Variants in WWOX observed in about 807,000 individuals in gnomAD.
The protein encoded by WWOX is WW domain containing oxidoreductase.
A neutral mutation model predicts 46.2 loss-of-function variants in WWOX; 69 were observed. That is an observed-to-expected ratio of 1.49 (90% CI 1.23 to 1.82). The LOEUF is 1.82. Ranked by LOEUF, WWOX falls within the 40% of genes most tolerant of loss-of-function variation. The probability of loss-of-function intolerance (pLI) is 0.00; values close to 1 mark genes in which losing one functional copy is unlikely to be tolerated. For missense variants in WWOX, 919 were observed against 542.6 expected, an observed-to-expected ratio of 1.69 and a Z score of -6.89; for synonymous variants, 359 against 202.6, an observed-to-expected ratio of 1.77 and a Z score of -6.56.
At chr16:79,054,889 A>C (rs1484365009) in intron 8 of WWOX, among the ~76,000 whole-genome samples, 3 of 152,204 alleles carry the variant, frequency 2.0e-5, no homozygotes, top group Admixed American at 2.0e-4. Flanking sequence ...TTGTGTTATA[A>C]AAGGCAGTGT....
chr16:78,425,735 C>G (rs2083060525), intron 7 of WWOX, among the ~76,000 whole-genome samples: 1 of 152,064 alleles, frequency 6.6e-6, no homozygotes, highest in South Asian at 2.1e-4. Flanking sequence ...AGACAAAGGC[C>G]TTGCTGGGTG....
chr16:78,458,013 G>C (rs529897676), intron 8 of WWOX, among the ~76,000 whole-genome samples: 1 of 151,422 alleles, frequency 6.6e-6, no homozygotes, highest in East Asian at 1.9e-4. Context: ...GGAGGCGGAG[G>C]TTGCAGTGAG....
intron 8 of WWOX, among the ~76,000 whole-genome samples, chr16:78,448,374 C>A (rs982886825): frequency 6.6e-6 from 1 of 152,144 alleles, no homozygotes; most frequent in Non-Finnish European, 1.5e-5. Flanking sequence ...AATGCACATT[C>A]ATTATTTTAT....
chr16:78,815,879 A>C (rs2051315899), intron 8 of WWOX, among the ~76,000 whole-genome samples: 1 of 152,054 alleles, frequency 6.6e-6, no homozygotes, highest in Admixed American at 6.5e-5. Flanking sequence ...CTTGAGAGTG[A>C]CTTCCAAGAT....
intron 5 of WWOX, among the ~76,000 whole-genome samples, chr16:78,196,439 C>G (rs987985291): frequency 5.3e-5 from 8 of 152,154 alleles, no homozygotes; most frequent in Non-Finnish European, 1.2e-4. Flanking sequence ...AAAGAGAAAT[C>G]TGAGCTGCTT....
At chr16:78,780,207 G>GA (rs1210927816) in intron 8 of WWOX, among the ~76,000 whole-genome samples, 1 of 152,014 alleles carries the variant, frequency 6.6e-6, no homozygotes, top group African/African-American at 2.4e-5. Context: ...CTCCTTCCAA[G>GA]AAAAAACACC....
intron 5 of WWOX, among the ~76,000 whole-genome samples, chr16:78,358,887 C>G (rs1041655216): frequency 1.0e-4 from 3 of 30,076 alleles, no homozygotes; most frequent in African/African-American, 3.4e-4. Context: ...TTTTTTTTAA[C>G]CAGACATATA....
intron 8 of WWOX, among the ~76,000 whole-genome samples, chr16:78,790,622 A>G (rs1430240770): frequency 1.3e-5 from 2 of 152,174 alleles, no homozygotes; most frequent in Non-Finnish European, 2.9e-5. Context: ...TGGCAGATTA[A>G]TTTTCTTTCT....
intron 8 of WWOX, among the ~76,000 whole-genome samples, chr16:78,718,069 A>T (rs1269558000): frequency 2.6e-5 from 2 of 76,458 alleles, no homozygotes; most frequent in Non-Finnish European, 5.2e-5. Flanking sequence ...ATGGAAGGGG[A>T]TTTCAAACAA....
At chr16:78,608,166 C>T (rs551687841) in intron 8 of WWOX, among the ~76,000 whole-genome samples, 49 of 152,194 alleles carry the variant, frequency 3.2e-4, no homozygotes, top group Non-Finnish European at 5.0e-4. Flanking sequence ...GACCATGCCA[C>T]GGGGCCCTTC....
chr16:78,904,928 G>C (rs1597131413), intron 8 of WWOX, among the ~76,000 whole-genome samples: 1 of 152,074 alleles, frequency 6.6e-6, no homozygotes, highest in Non-Finnish European at 1.5e-5. Flanking sequence ...CCCAGTTGGT[G>C]CCCCTGTTGG....
chr16:79,134,119 G>T (rs570314615), intron 8 of WWOX, among the ~76,000 whole-genome samples: 1 of 152,014 alleles, frequency 6.6e-6, no homozygotes, highest in South Asian at 2.1e-4. Context: ...GCTGATCTGG[G>T]TGAGGTCACA....
At chr16:78,924,104 G>C (rs140038489) in intron 8 of WWOX, among the ~76,000 whole-genome samples, 2 of 151,916 alleles carry the variant, frequency 1.3e-5, no homozygotes, top group African/African-American at 4.8e-5. Flanking sequence ...GACATGAGCC[G>C]CTGTGCCCGG....
chr16:78,919,022 G>A (rs2045315771), intron 8 of WWOX, among the ~76,000 whole-genome samples: 1 of 152,140 alleles, frequency 6.6e-6, no homozygotes, highest in Non-Finnish European at 1.5e-5. Context: ...CAGGTAGTGT[G>A]TAACTTCGTT....
At chr16:78,375,901 G>T (rs4888796) in intron 5 of WWOX, among the ~76,000 whole-genome samples, 1 of 148,614 alleles carries the variant, frequency 6.7e-6, no homozygotes, top group Admixed American at 6.7e-5. Flanking sequence ...GCCCAGGCTC[G>T]AGTGCAGTGG....
intron 8 of WWOX, among the ~76,000 whole-genome samples, chr16:79,067,592 G>T (rs533235318): frequency 7.8e-6 from 1 of 127,644 alleles, no homozygotes; most frequent in Non-Finnish European, 1.6e-5. Flanking sequence ...CTCATCCTCT[G>T]CCTGCCCTGG....
chr16:78,505,948 G>T (rs528567165), intron 8 of WWOX, among the ~76,000 whole-genome samples: 1 of 152,202 alleles, frequency 6.6e-6, no homozygotes, highest in African/African-American at 2.4e-5. Context: ...TCTGCAAACC[G>T]CATTTCCTTG....
intron 8 of WWOX, among the ~76,000 whole-genome samples, chr16:79,146,605 G>A (rs898661040): frequency 6.6e-5 from 10 of 152,132 alleles, no homozygotes; most frequent in Admixed American, 3.9e-4. Flanking sequence ...CCATTTTAGA[G>A]TTCGTATTAA....
intron 5 of WWOX, among the ~76,000 whole-genome samples, chr16:78,383,511 C>T (rs892013534): frequency 1.4e-4 from 21 of 152,266 alleles, no homozygotes; most frequent in African/African-American, 4.1e-4. Flanking sequence ...CTCTTGTCCT[C>T]GCCTAACAAT....
Sources: gnomAD v4.1 joint callset for allele counts (sites outside exome capture counted in the v4.1 genomes callset) on GRCh38, gnomAD v4.1.1 for gene constraint, MANE v1.5 for transcripts, NCBI Gene and HGNC (gene_info 2026-07-23, HGNC 2026-07-21) for gene names.